ARID1B: variants seen among roughly 807,000 people sequenced by gnomAD.
ARID1B encodes AT-rich interactive domain-containing protein 1B.
ARID1B carries 30 observed loss-of-function variants against 212.3 expected under a neutral mutation model. The observed-to-expected ratio is 0.14, with a 90% confidence interval of 0.11 to 0.19. The LOEUF (loss-of-function observed/expected upper bound fraction) is 0.19. Among genes scored for constraint, ARID1B ranks in the 10% least tolerant of loss-of-function variants. The probability of loss-of-function intolerance (pLI) is 1.00; values close to 1 mark genes in which losing one functional copy is unlikely to be tolerated. For synonymous variants in ARID1B, 1,402 were observed against 1,301.7 expected (o/e 1.08, Z -1.66); for missense variants, 2,891 against 3,204.0 (o/e 0.90, Z 2.36).
At chr6:157,132,992 C>T in intron 6 of ARID1B, 36 bp from the exon 7 acceptor site, 1 of 1,568,238 alleles carries the variant, frequency 6.4e-7, no homozygotes, top group Non-Finnish European at 8.6e-7. Context: ...TTATGAAACA[C>T]CTGCATTTAT....
chr6:156,822,112 G>GA (rs1194767310), intron 1 of ARID1B, among the ~76,000 whole-genome samples: 1 of 151,980 alleles, frequency 6.6e-6, no homozygotes, highest in Non-Finnish European at 1.5e-5. Context: ...CCAAAGTGCT[G>GA]AGATTACAGG....
intron 4 of ARID1B, among the ~76,000 whole-genome samples, chr6:157,076,429 A>C (rs1252903299): frequency 6.6e-6 from 1 of 151,596 alleles, no homozygotes; most frequent in African/African-American, 2.4e-5. Flanking sequence ...ATCAAGCAAT[A>C]TTCCTGCCTA....
At chr6:156,994,225 C>G (rs1778443162) in intron 4 of ARID1B, among the ~76,000 whole-genome samples, 1 of 152,202 alleles carries the variant, frequency 6.6e-6, no homozygotes, top group African/African-American at 2.4e-5. Flanking sequence ...TTTACAGTCC[C>G]TGTAGATCCT....
At chr6:157,146,162 C>A (rs1683742703) in intron 7 of ARID1B, among the ~76,000 whole-genome samples, 1 of 152,164 alleles carries the variant, frequency 6.6e-6, no homozygotes, top group African/African-American at 2.4e-5. Flanking sequence ...TCCCCAGCCT[C>A]TCAGCCATAA....
intron 5 of ARID1B, among the ~76,000 whole-genome samples, chr6:157,097,557 A>G (rs943684679): frequency 6.6e-6 from 1 of 152,198 alleles, no homozygotes; most frequent in Admixed American, 6.5e-5. Flanking sequence ...CACTTCTCAT[A>G]GCCAACCACC....
intron 15 of ARID1B, chr6:157,195,183 A>G (rs1562340083): frequency 6.6e-6 from 1 of 152,234 alleles, no homozygotes; most frequent in African/African-American, 2.4e-5. Context: ...GTGGATCAGG[A>G]ATCTGGCACA....
At chr6:157,110,362 A>G (rs1488373087) in intron 5 of ARID1B, 110 bp from the exon 6 acceptor site, 14 of 889,158 alleles carry the variant, frequency 1.6e-5, no homozygotes, top group Non-Finnish European at 2.0e-5. Flanking sequence ...TAATGGGGCT[A>G]TACCTTTTGT....
At chr6:156,944,010 A>G (rs1792872165) in intron 4 of ARID1B, 1 of 152,168 alleles carries the variant, frequency 6.6e-6, no homozygotes, top group African/African-American at 2.4e-5. Flanking sequence ...ACTCTCAGCT[A>G]AGGTTCTGGC....
intron 5 of ARID1B, among the ~76,000 whole-genome samples, chr6:157,098,059 G>A (rs937108911): frequency 2.6e-5 from 4 of 152,084 alleles, no homozygotes; most frequent in African/African-American, 9.7e-5. Context: ...CAAATATTAA[G>A]CTTCTCAAAC....
At chr6:156,871,034 T>G (rs1786086023) in intron 2 of ARID1B, among the ~76,000 whole-genome samples, 1 of 152,234 alleles carries the variant, frequency 6.6e-6, no homozygotes, top group South Asian at 2.1e-4. Flanking sequence ...TAAAAGAGAT[T>G]AGTATTTATG....
rs770377920 is a variant in ARID1B, at chr6:157,148,932, G to A, written c.3070G>A (p.Ala1024Thr). 1 of 1,612,026 alleles carries A rather than the reference G, an allele frequency of 6.2e-7. No individual in the cohort carries two copies. The highest frequency in any genetic ancestry group is 8.5e-7 in the Non-Finnish European group (1 of 1,179,372). Residue 1024 changes from alanine to threonine, a missense_variant, in exon 8 of 20, where the codon GCG becomes ACG. This residue lies in a region of ARID1B where 1,643 missense variants were observed against 1,544.0 expected (regional missense o/e 1.06). Coordinates refer to ENST00000636930, the MANE Select transcript of ARID1B (RefSeq NM_001374828.1). This position sits in a 1 kb window ranked among gnomAD's most constrained non-coding sequence, Gnocchi z 5.6. ...AGCCGCAGCAGTGATGCAGGCTGCTGCGAACTCAGCACAAAGCAGGTACGC... is the reference window on the plus strand; with the variant it reads ...AGCCGCAGCAGTGATGCAGGCTGCTACGAACTCAGCACAAAGCAGGTACGC... ...EAAAAVMQAA[A>T]NSAQSRQGSF...
intron 4 of ARID1B, among the ~76,000 whole-genome samples, chr6:156,948,922 AT>A (rs1793372369): frequency 6.6e-6 from 1 of 152,270 alleles, no homozygotes; most frequent in African/African-American, 2.4e-5. Context: ...AGCACATATA[AT>A]TTCACAGAAG....
At chr6:157,088,980 C>G (rs990591468) in intron 5 of ARID1B, among the ~76,000 whole-genome samples, 1 of 152,174 alleles carries the variant, frequency 6.6e-6, no homozygotes, top group Non-Finnish European at 1.5e-5. Flanking sequence ...TCCTCTTACT[C>G]CCAGCACCAA....
At chr6:157,108,632 T>A (rs1250887200) in intron 5 of ARID1B, among the ~76,000 whole-genome samples, 2 of 152,236 alleles carry the variant, frequency 1.3e-5, no homozygotes, top group Non-Finnish European at 2.9e-5. Flanking sequence ...TTTGTAGATC[T>A]GTAGCCAAGT....
At chr6:157,064,309 G>A (rs957509565) in intron 4 of ARID1B, among the ~76,000 whole-genome samples, 2 of 152,168 alleles carry the variant, frequency 1.3e-5, no homozygotes, top group Non-Finnish European at 2.9e-5. Flanking sequence ...GCATGTATCT[G>A]CTGAACAGGA....
chr6:156,946,144 G>A (rs567204392), intron 4 of ARID1B, among the ~76,000 whole-genome samples: 38 of 149,520 alleles, frequency 2.5e-4, no homozygotes, highest in Non-Finnish European at 5.2e-4. Flanking sequence ...ACCACTTGAG[G>A]TCAGGAGTTC....
rs1394200903 is a variant in ARID1B at position 157,201,566 on chromosome 6, C to T, written c.5263+78C>T. On this transcript the variant is annotated intron_variant, in intron 18 of 19. Transcript: ENST00000636930. This position sits in a 1 kb window ranked among gnomAD's most constrained non-coding sequence, Gnocchi z 5.2. ...TTTTAATTTTAGTAAAGATGCTGTT[C>T]CTGCTCATCTTAAAGGGATGAAAAA... The T allele has an allele frequency of 2.8e-6, 4 of 1,430,222 alleles. No individual in the cohort carries two copies. The highest frequency in any genetic ancestry group is 3.7e-6 in the Non-Finnish European group (4 of 1,076,830). The allele number at this position is 1,430,222 out of a possible 1,614,324, so 88.6% of individuals were successfully genotyped here. A position where few individuals can be genotyped will look rare whatever the true frequency, so the allele number is the denominator to read the frequency against.
chr6:156,989,911 T>C (rs890982069), intron 4 of ARID1B, among the ~76,000 whole-genome samples: 1 of 152,316 alleles, frequency 6.6e-6, no homozygotes, highest in South Asian at 2.1e-4. Context: ...TCATATTTAA[T>C]CAGAGGCATC....
intron 4 of ARID1B, among the ~76,000 whole-genome samples, chr6:157,051,797 A>G (rs908500448): frequency 7.2e-5 from 11 of 152,208 alleles, no homozygotes; most frequent in Non-Finnish European, 1.3e-4. Context: ...ACTCTTAGGT[A>G]TTGATATTTT....
Sources: gnomAD v4.1 joint callset for allele counts (sites outside exome capture counted in the v4.1 genomes callset) on GRCh38, gnomAD v4.1.1 for gene constraint, gnomAD v4.1.1 regional missense constraint, Gnocchi (gnomAD v3.1) non-coding constraint, MANE v1.5 for transcripts, NCBI Gene and HGNC (gene_info 2026-07-23, HGNC 2026-07-21) for gene names.